Variants in ELL2 observed in about 807,000 individuals in gnomAD.
ELL2 encodes the protein elongation factor for RNA polymerase II 2.
Under a neutral mutation model 72.8 loss-of-function variants are expected in ELL2, and 21 were observed. The observed-to-expected ratio is 0.29, with a 90% CI of 0.20 to 0.42. ELL2 has a LOEUF of 0.42. ELL2 is among the 10% of genes least tolerant of loss of function. ELL2 has a pLI of 1.00. For missense variants in ELL2, 568 were observed against 772.8 expected (o/e 0.73, Z 3.14); for synonymous variants, 266 against 283.2 (o/e 0.94, Z 0.61).
At chr5:95,954,596 CTTTTTTT>C (rs1169301940) in intron 1 of ELL2, among the ~76,000 whole-genome samples, 8 of 105,870 alleles carry the variant, frequency 7.6e-5, no homozygotes, top group East Asian at 2.9e-4. Context: ...TTTTTTTTTT[CTTTTTTT>C]TTTTTTTTTT....
chr5:95,949,543 C>G (rs1751296462), intron 1 of ELL2, among the ~76,000 whole-genome samples: 1 of 152,042 alleles, frequency 6.6e-6, no homozygotes, highest in African/African-American at 2.4e-5. Context: ...TTGAACCCAT[C>G]ATGGAACTTT....
rs186955834 is a variant in ELL2, at chr5:95,887,369, T to C, written c.*1502A>G. The C allele has an allele frequency of 2.0e-5, 3 of 152,766 alleles. No individual in the cohort carries two copies. Among genetic ancestry groups the C allele is most frequent in the Admixed American group, 2.0e-4 (3 of 15,288 alleles). The allele number at this position is 152,766 out of a possible 1,614,324, so 9.5% of individuals were successfully genotyped here. A position where few individuals can be genotyped will look rare whatever the true frequency, so the allele number is the denominator to read the frequency against. On this transcript the variant is annotated 3_prime_UTR_variant, in exon 12 of 12. Coordinates refer to ENST00000237853, the MANE Select transcript of ELL2 (RefSeq NM_012081.6). The stretch of plus-strand genomic sequence containing the variant: ...CCAACATTTTTCTGGTTTACAGTGA[T>C]ACACAACAAAGTTATTCATTTATTT...
At chr5:95,919,173 A>G (rs912381079) in intron 3 of ELL2, among the ~76,000 whole-genome samples, 1 of 152,168 alleles carries the variant, frequency 6.6e-6, no homozygotes, top group African/African-American at 2.4e-5. Flanking sequence ...TTTATAGGTT[A>G]AAAAATATCT....
At chr5:95,960,481 G>A (rs947355278) in intron 1 of ELL2, among the ~76,000 whole-genome samples, 12 of 151,740 alleles carry the variant, frequency 7.9e-5, no homozygotes, top group African/African-American at 2.7e-4. Context: ...GTGTATGTGC[G>A]CCTATCTGAG....
At chr5:95,944,266 A>T (rs1360682294) in intron 1 of ELL2, among the ~76,000 whole-genome samples, 4 of 152,234 alleles carry the variant, frequency 2.6e-5, no homozygotes, top group Non-Finnish European at 5.9e-5. Flanking sequence ...GTGTAACATT[A>T]GCTATCTTAT....
intron 5 of ELL2, among the ~76,000 whole-genome samples, chr5:95,905,668 T>A (rs1749327412): frequency 6.6e-6 from 1 of 152,142 alleles, no homozygotes; most frequent in African/African-American, 2.4e-5. Context: ...TTTAGTATTA[T>A]GTTGTGAATG....
intron 2 of ELL2, among the ~76,000 whole-genome samples, chr5:95,927,374 C>CAT (rs1247630906): frequency 1.4e-5 from 1 of 72,020 alleles, no homozygotes; most frequent in Non-Finnish European, 2.4e-5. Context: ...TAGACATACA[C>CAT]ACACACACGT....
chr5:95,917,149 A>G lies in ELL2; in HGVS notation c.317+2275T>C, dbSNP rs1355580799. ...CACCATTTCCTTCGCTTAAGTGTGC[A>G]TTATTATACACTATAGGTCCTAGAC... is the stretch of plus-strand genomic sequence containing the variant. On this transcript the variant is annotated intron_variant, in intron 3 of 11. Coordinates refer to ENST00000237853, the MANE Select transcript of ELL2 (RefSeq NM_012081.6). Among the ~76,000 whole-genome samples, 2 of 152,184 alleles carry G rather than the reference A, an allele frequency of 1.3e-5. 1 individual carries two copies. The highest frequency in any genetic ancestry group is 4.8e-5 in the African/African-American group (2 of 41,418).
chr5:95,929,618 T>C (rs1004154309), intron 2 of ELL2, among the ~76,000 whole-genome samples: 1 of 152,088 alleles, frequency 6.6e-6, no homozygotes. Context: ...TAAATATTTG[T>C]TAGATTTATC....
At chr5:95,894,238 C>T (rs920200600) in intron 9 of ELL2, among the ~76,000 whole-genome samples, 1 of 151,558 alleles carries the variant, frequency 6.6e-6, no homozygotes, top group South Asian at 2.1e-4. Context: ...GAAATTCCGT[C>T]TCAAAAACAA....
At chr5:95,947,187 C>T (rs900372728) in intron 1 of ELL2, among the ~76,000 whole-genome samples, 8 of 151,638 alleles carry the variant, frequency 5.3e-5, no homozygotes, top group African/African-American at 9.7e-5. Flanking sequence ...ACAAGTATTA[C>T]GTGCTCAGCT....
intron 1 of ELL2, among the ~76,000 whole-genome samples, chr5:95,948,150 C>T (rs1250912143): frequency 6.6e-6 from 1 of 152,000 alleles, no homozygotes; most frequent in Non-Finnish European, 1.5e-5. Flanking sequence ...TTAAAAATGC[C>T]ATAAGGCCGG....
intron 2 of ELL2, among the ~76,000 whole-genome samples, chr5:95,937,708 TA>T (rs1305812817): frequency 6.6e-6 from 1 of 152,160 alleles, no homozygotes; most frequent in Non-Finnish European, 1.5e-5. Flanking sequence ...GAACTACCTT[TA>T]TAAAGAAATA....
At chr5:95,952,260 G>C (rs556611232) in intron 1 of ELL2, among the ~76,000 whole-genome samples, 6 of 152,072 alleles carry the variant, frequency 3.9e-5, no homozygotes, top group Non-Finnish European at 7.4e-5. Flanking sequence ...CATTGAGTAC[G>C]CATGGACATA....
chr5:95,892,722 A>G (rs1237488100), intron 9 of ELL2, among the ~76,000 whole-genome samples: 1 of 152,202 alleles, frequency 6.6e-6, no homozygotes, highest in Non-Finnish European at 1.5e-5. Context: ...TTAAATTACT[A>G]ATATCACAGA....
chr5:95,896,279 A>AT (rs11324390), intron 8 of ELL2, among the ~76,000 whole-genome samples: 604 of 148,868 alleles, frequency 4.1e-3, no homozygotes, highest in South Asian at 0.011. Flanking sequence ...CACTAAACAG[A>AT]TTTTTTTTTT....
intron 3 of ELL2, among the ~76,000 whole-genome samples, chr5:95,918,875 TCC>T (rs1749934971): frequency 7.7e-6 from 1 of 130,136 alleles, no homozygotes; most frequent in South Asian, 2.6e-4. Context: ...GTCTTCCTCC[TCC>T]TTTTTTTTTT....
intron 2 of ELL2, among the ~76,000 whole-genome samples, chr5:95,940,130 G>A (rs910779686): frequency 2.0e-5 from 3 of 152,142 alleles, no homozygotes; most frequent in Admixed American, 6.5e-5. Context: ...TCCAGAAAAT[G>A]CCTTCAATGA....
chr5:95,915,181 C>T (rs1485817384), intron 3 of ELL2, among the ~76,000 whole-genome samples: 1 of 152,202 alleles, frequency 6.6e-6, no homozygotes, highest in South Asian at 2.1e-4. Flanking sequence ...TGGCTCACTG[C>T]AAGCTCTGCC....
Sources: gnomAD v4.1 joint callset for allele counts (sites outside exome capture counted in the v4.1 genomes callset) on GRCh38, gnomAD v4.1.1 for gene constraint, MANE v1.5 for transcripts, NCBI Gene and HGNC (gene_info 2026-07-23, HGNC 2026-07-21) for gene names.